Variants in ADARB2 observed in about 807,000 individuals in gnomAD.
ADARB2 encodes inactive double-stranded RNA-specific editase B2.
A neutral mutation model predicts 62.2 loss-of-function variants in ADARB2; 25 were observed. That is an observed-to-expected ratio of 0.40 (90% CI 0.29 to 0.56). The LOEUF is 0.56. Ranked by LOEUF, ADARB2 falls within the 20% of genes least tolerant of loss-of-function variation. The pLI is 0.43. For missense variants in ADARB2, 1,071 were observed against 1,077.4 expected, an observed-to-expected ratio of 0.99 and a Z score of 0.08; for synonymous variants, 572 against 500.8, an observed-to-expected ratio of 1.14 and a Z score of -1.90.
At chr10:1,423,976 G>A (rs1462756164) in intron 1 of ADARB2, among the ~76,000 whole-genome samples, 2 of 152,188 alleles carry the variant, frequency 1.3e-5, no homozygotes, top group Non-Finnish European at 2.9e-5. Context: ...GGACCACTAT[G>A]TATGCAGTAT....
At chr10:1,600,399 G>A (rs866711908) in intron 1 of ADARB2, among the ~76,000 whole-genome samples, 16 of 152,034 alleles carry the variant, frequency 1.1e-4, no homozygotes, top group Admixed American at 2.0e-4. Flanking sequence ...AGTGGCTCAC[G>A]CCTATAATCC....
chr10:1,699,287 C>T (rs796382550), intron 1 of ADARB2, among the ~76,000 whole-genome samples: 1 of 30,298 alleles, frequency 3.3e-5, no homozygotes. Flanking sequence ...CGCCAATACA[C>T]GCAATCCCAC....
chr10:1,389,157 C>G (rs900225563), intron 1 of ADARB2, among the ~76,000 whole-genome samples: 2 of 152,052 alleles, frequency 1.3e-5, no homozygotes, highest in Non-Finnish European at 2.9e-5. Flanking sequence ...GATCACAGAC[C>G]TAAATGAAAA....
chr10:1,455,675 A>G (rs12263093), intron 1 of ADARB2, among the ~76,000 whole-genome samples: 7,822 of 152,200 alleles, frequency 0.051, 657 homozygotes, highest in African/African-American at 0.18. Context: ...TCTTACTACT[A>G]CTATATTTGA....
chr10:1,727,981 A>ACGCAC (rs939231747), intron 1 of ADARB2, among the ~76,000 whole-genome samples: 1 of 152,248 alleles, frequency 6.6e-6, no homozygotes, highest in African/African-American at 2.4e-5. Flanking sequence ...ATTGGATAGC[A>ACGCAC]CGCACCATAC....
chr10:1,366,540 T>C (rs1426693576), intron 2 of ADARB2, among the ~76,000 whole-genome samples: 1 of 152,166 alleles, frequency 6.6e-6, no homozygotes, highest in Non-Finnish European at 1.5e-5. Context: ...CAGTCAGCCC[T>C]GGGGAGGGTA....
chr10:1,294,407 TTCC>T (rs941528960), intron 3 of ADARB2, among the ~76,000 whole-genome samples: 2 of 152,128 alleles, frequency 1.3e-5, no homozygotes, highest in Non-Finnish European at 2.9e-5. Context: ...TGAGGATGAA[TTCC>T]TCATTTCTGT....
intron 1 of ADARB2, among the ~76,000 whole-genome samples, chr10:1,507,540 G>T (rs144848556): frequency 5.5e-4 from 84 of 152,326 alleles, no homozygotes; most frequent in Non-Finnish European, 9.7e-4. Context: ...CTGCCTAGAG[G>T]GAAACGTGAG....
At chr10:1,451,140 G>T (rs1345514543) in intron 1 of ADARB2, among the ~76,000 whole-genome samples, 1 of 152,182 alleles carries the variant, frequency 6.6e-6, no homozygotes, top group Non-Finnish European at 1.5e-5. Flanking sequence ...GCCCATCTTT[G>T]TGTGACAAGT....
intron 1 of ADARB2, among the ~76,000 whole-genome samples, chr10:1,496,626 A>G (rs1010353987): frequency 6.6e-6 from 1 of 152,002 alleles, no homozygotes; most frequent in African/African-American, 2.4e-5. Flanking sequence ...TCATTTCATC[A>G]TCATCATCAT....
intron 1 of ADARB2, among the ~76,000 whole-genome samples, chr10:1,446,480 G>A (rs1421441944): frequency 1.3e-5 from 2 of 152,192 alleles, no homozygotes; most frequent in African/African-American, 4.8e-5. Context: ...TGGGCAAACT[G>A]AGGCAGAGCT....
At chr10:1,512,064 C>A (rs542624464) in intron 1 of ADARB2, among the ~76,000 whole-genome samples, 1 of 151,912 alleles carries the variant, frequency 6.6e-6, no homozygotes, top group Non-Finnish European at 1.5e-5. Flanking sequence ...ATGCTGTCTA[C>A]ACTGTATACC....
At chr10:1,507,722 C>A (rs148395764) in intron 1 of ADARB2, among the ~76,000 whole-genome samples, 1 of 152,176 alleles carries the variant, frequency 6.6e-6, no homozygotes, top group Admixed American at 6.5e-5. Flanking sequence ...GGGTTTCCCC[C>A]GCTTGTTGTG....
intron 1 of ADARB2, among the ~76,000 whole-genome samples, chr10:1,409,392 G>A (rs777648793): frequency 4.6e-5 from 7 of 152,228 alleles, no homozygotes; most frequent in African/African-American, 1.4e-4. Context: ...CCCCATCTGC[G>A]TGGGGCGTGT....
At position 1,347,037 on chromosome 10, in the gene ADARB2, G is replaced by A. The variant is rs539133368; in HGVS notation, c.1077+15991C>T. On this transcript the variant is annotated intron_variant, in intron 3 of 9. Coordinates refer to ENST00000381312, the MANE Select transcript of ADARB2 (RefSeq NM_018702.4). ...CACGGGTTCTATTTTCTCAGGATGT[G>A]AGAACTGCATGTGAACATTCCATCA... Among the ~76,000 whole-genome samples, 75 of 152,350 alleles carry A rather than the reference G, an allele frequency of 4.9e-4. 1 individual carries two copies. Among genetic ancestry groups the A allele is most frequent in the African/African-American group, 1.6e-3 (67 of 41,574 alleles).
intron 1 of ADARB2, among the ~76,000 whole-genome samples, chr10:1,505,072 A>ACAT (rs1831822377): frequency 6.6e-6 from 1 of 151,816 alleles, no homozygotes; most frequent in Non-Finnish European, 1.5e-5. Context: ...ACAGACACAC[A>ACAT]CGGATGCACA....
chr10:1,583,589 A>C (rs1470811869), intron 1 of ADARB2, among the ~76,000 whole-genome samples: 1 of 152,258 alleles, frequency 6.6e-6, no homozygotes, highest in African/African-American at 2.4e-5. Flanking sequence ...AAGAAATTCA[A>C]GAACCAAATG....
intron 1 of ADARB2, among the ~76,000 whole-genome samples, chr10:1,565,702 A>C (rs888157251): frequency 5.9e-5 from 9 of 152,272 alleles, no homozygotes; most frequent in South Asian, 4.1e-4. Flanking sequence ...GTTTTCCACA[A>C]TTTGTCCCGG....
intron 1 of ADARB2, among the ~76,000 whole-genome samples, chr10:1,647,744 GTA>G (rs1295937832): frequency 6.6e-6 from 1 of 151,628 alleles, no homozygotes; most frequent in East Asian, 1.9e-4. Context: ...GTGTATATAT[GTA>G]TGTGTGTATA....
Sources: allele counts gnomAD v4.1 joint callset (sites outside exome capture counted in the v4.1 genomes callset), GRCh38; gene constraint gnomAD v4.1.1; transcripts MANE v1.5; gene names NCBI Gene and HGNC (gene_info 2026-07-23, HGNC 2026-07-21).